TP63: variants seen among roughly 807,000 people sequenced by gnomAD.
TP63 encodes the protein tumor protein p63.
Under a neutral mutation model 82.8 loss-of-function variants are expected in TP63, and 17 were observed. That is an observed-to-expected ratio of 0.21 (90% CI 0.14 to 0.31). The LOEUF (loss-of-function observed/expected upper bound fraction) is 0.31. Among genes scored for constraint, TP63 ranks in the 10% least tolerant of loss-of-function variants. TP63 has a pLI of 1.00. For missense variants in TP63, 648 were observed against 895.3 expected (o/e 0.72, Z 3.52); for synonymous variants, 330 against 321.7 (o/e 1.03, Z -0.28).
chr3:189,629,481 G>A (rs563760513), upstream of TP63, among the ~76,000 whole-genome samples: 22 of 152,188 alleles, frequency 1.4e-4, no homozygotes, highest in African/African-American at 4.3e-4. Context: ...GATTATTTGG[G>A]AGTCTATATC....
At chr3:189,755,062 G>A (rs891585101) in intron 3 of TP63, among the ~76,000 whole-genome samples, 2 of 152,042 alleles carry the variant, frequency 1.3e-5, no homozygotes, top group African/African-American at 4.8e-5. Context: ...ACTAATTTAG[G>A]TGCGACCTTT....
At chr3:189,799,233 C>CA (rs1409998849) in intron 3 of TP63, among the ~76,000 whole-genome samples, 3 of 152,048 alleles carry the variant, frequency 2.0e-5, no homozygotes, top group African/African-American at 7.2e-5. Context: ...CTTAAACATA[C>CA]AATCACAAAC....
chr3:189,800,217 T>C (rs1437539378), intron 3 of TP63, among the ~76,000 whole-genome samples: 1 of 152,020 alleles, frequency 6.6e-6, no homozygotes, highest in Non-Finnish European at 1.5e-5. Flanking sequence ...CTGAAGGAGT[T>C]AGCCTTTAAA....
intron 1 of TP63, among the ~76,000 whole-genome samples, chr3:189,648,967 C>A (rs1712654232): frequency 6.8e-6 from 1 of 147,032 alleles, no homozygotes; most frequent in Admixed American, 6.7e-5. Context: ...GGAATCTAAT[C>A]AAATAGCCTT....
intron 1 of TP63, among the ~76,000 whole-genome samples, chr3:189,665,928 C>A (rs2108661582): frequency 6.6e-6 from 1 of 152,010 alleles, no homozygotes; most frequent in East Asian, 2.0e-4. Context: ...CCTGGGTCAA[C>A]ATGAAATGCA....
chr3:189,604,090 T>A, the TP63 span, among the ~76,000 whole-genome samples: 1 of 152,074 alleles, frequency 6.6e-6, no homozygotes, highest in Admixed American at 6.6e-5. Context: ...ATCAGGGAAG[T>A]AGTGTGCAAA....
At chr3:189,715,119 T>C (rs1718865850) in intron 1 of TP63, among the ~76,000 whole-genome samples, 1 of 152,058 alleles carries the variant, frequency 6.6e-6, no homozygotes, top group Non-Finnish European at 1.5e-5. Context: ...TTCCTCCCTT[T>C]CTCCTCCCTT....
At chr3:189,853,604 C>A (rs1465042692) in intron 4 of TP63, among the ~76,000 whole-genome samples, 2 of 152,114 alleles carry the variant, frequency 1.3e-5, no homozygotes, top group African/African-American at 4.8e-5. Context: ...AAATAATATC[C>A]TCTTCACACT....
the TP63 span, among the ~76,000 whole-genome samples, chr3:189,613,806 C>A: frequency 6.6e-6 from 1 of 152,192 alleles, no homozygotes; most frequent in African/African-American, 2.4e-5. Context: ...CATTTTGGAC[C>A]TTTAAAATTT....
chr3:189,669,027 A>G (rs1226425297), intron 1 of TP63, among the ~76,000 whole-genome samples: 2 of 151,936 alleles, frequency 1.3e-5, no homozygotes, highest in African/African-American at 2.4e-5. Flanking sequence ...AAACCAAAAA[A>G]AAAACCTTAA....
chr3:189,794,015 T>C (rs2108602783), intron 3 of TP63, among the ~76,000 whole-genome samples: 1 of 152,202 alleles, frequency 6.6e-6, no homozygotes, highest in East Asian at 1.9e-4. Context: ...TTTTAAATCT[T>C]ATTCCTAATC....
At chr3:189,814,129 G>A (rs559505537) in intron 4 of TP63, among the ~76,000 whole-genome samples, 2 of 152,242 alleles carry the variant, frequency 1.3e-5, no homozygotes, top group East Asian at 1.9e-4. Flanking sequence ...GCGCGCCTGC[G>A]GCCCACCCTC....
At chr3:189,606,640 T>C in the TP63 span, among the ~76,000 whole-genome samples, 1 of 150,636 alleles carries the variant, frequency 6.6e-6, no homozygotes, top group Non-Finnish European at 1.5e-5. Flanking sequence ...CAGCCTCCGT[T>C]GCACCACCAC....
intron 1 of TP63, among the ~76,000 whole-genome samples, chr3:189,640,363 C>A (rs59794299): frequency 0.049 from 7,432 of 152,056 alleles, 193 homozygotes; most frequent in Middle Eastern, 0.058. Context: ...TATGATAAAT[C>A]TTTGTACCTT....
intron 1 of TP63, among the ~76,000 whole-genome samples, chr3:189,730,292 C>A (rs1720066547): frequency 6.6e-6 from 1 of 152,150 alleles, no homozygotes; most frequent in African/African-American, 2.4e-5. Context: ...TGAGAATCTG[C>A]AGAAGGGCAA....
chr3:189,755,186 G>A (rs908035756), intron 3 of TP63, among the ~76,000 whole-genome samples: 1 of 152,072 alleles, frequency 6.6e-6, no homozygotes, highest in Non-Finnish European at 1.5e-5. Context: ...AGTTACTGGT[G>A]CATAAATATA....
At chr3:189,812,208 T>C (rs929465431) in intron 4 of TP63, among the ~76,000 whole-genome samples, 4 of 152,242 alleles carry the variant, frequency 2.6e-5, no homozygotes, top group Non-Finnish European at 4.4e-5. Context: ...ATAGCTAATA[T>C]ATTTAAAGTA....
At chr3:189,810,989 T>C (rs4687093) in intron 4 of TP63, among the ~76,000 whole-genome samples, 82,613 of 151,968 alleles carry the variant, frequency 0.54, 23,461 homozygotes, top group Admixed American at 0.65. Flanking sequence ...ATGTTAGGTT[T>C]AAAAGAAAAG....
chr3:189,682,774 A>T (rs2108697887), intron 1 of TP63, among the ~76,000 whole-genome samples: 1 of 152,002 alleles, frequency 6.6e-6, no homozygotes, highest in Middle Eastern at 3.4e-3. Context: ...GGCCTTTTCT[A>T]TATAGTGCCA....
Sources: gnomAD v4.1 joint callset for allele counts (sites outside exome capture counted in the v4.1 genomes callset) on GRCh38, gnomAD v4.1.1 for gene constraint, MANE v1.5 for transcripts, NCBI Gene and HGNC (gene_info 2026-07-23, HGNC 2026-07-21) for gene names.